Variants in CTNNA3 observed in about 807,000 individuals in gnomAD.
CTNNA3 encodes the protein catenin alpha 3.
CTNNA3 carries 76 observed loss-of-function variants against 95.7 expected under a neutral mutation model. That is an observed-to-expected ratio of 0.79 (90% CI 0.66 to 0.96). The LOEUF (loss-of-function observed/expected upper bound fraction) is 0.96. Ranked by LOEUF, CTNNA3 falls within the 40% of genes least tolerant of loss-of-function variation. The pLI, the probability that CTNNA3 is intolerant of heterozygous loss-of-function variation, is 0.00. For synonymous variants in CTNNA3, 431 were observed against 374.4 expected (o/e 1.15, Z -1.74); for missense variants, 1,191 against 1,089.8 (o/e 1.09, Z -1.31).
At chr10:67,655,782 C>CAAA (rs11291979) in intron 1 of CTNNA3, among the ~76,000 whole-genome samples, 17 of 95,268 alleles carry the variant, frequency 1.8e-4, no homozygotes, top group African/African-American at 5.3e-4. Flanking sequence ...GACTCCGTCT[C>CAAA]AAAAAAAAAA....
At chr10:67,182,081 G>C (rs1862579459) in intron 6 of CTNNA3, among the ~76,000 whole-genome samples, 1 of 152,074 alleles carries the variant, frequency 6.6e-6, no homozygotes, top group Non-Finnish European at 1.5e-5. Context: ...CTCATGGGTA[G>C]GAAGAATCAA....
At chr10:66,409,657 T>C (rs571029789) in intron 11 of CTNNA3, among the ~76,000 whole-genome samples, 21 of 152,306 alleles carry the variant, frequency 1.4e-4, no homozygotes, top group Admixed American at 1.2e-3. Context: ...AACTATACAA[T>C]AGGTCACATT....
intron 1 of CTNNA3, chr10:67,750,287 GC>G: frequency 2.0e-6 from 3 of 1,521,094 alleles, no homozygotes; most frequent in Non-Finnish European, 2.7e-6. Flanking sequence ...ACCAACCATG[GC>G]CATCTTTGTG....
intron 1 of CTNNA3, among the ~76,000 whole-genome samples, chr10:67,705,831 G>A (rs1026166844): frequency 1.4e-4 from 22 of 151,742 alleles, no homozygotes; most frequent in Middle Eastern, 6.8e-3. Flanking sequence ...TCTTCCTCTC[G>A]TATGCCCTCT....
chr10:65,949,231 G>C (rs903440246), intron 17 of CTNNA3, among the ~76,000 whole-genome samples: 2 of 152,154 alleles, frequency 1.3e-5, no homozygotes, highest in African/African-American at 2.4e-5. Flanking sequence ...GACACAAAGA[G>C]CTCTGAAAAT....
chr10:66,920,871 T>C (rs1846750711), intron 7 of CTNNA3, among the ~76,000 whole-genome samples: 1 of 152,218 alleles, frequency 6.6e-6, no homozygotes. Flanking sequence ...GTTGATTTTA[T>C]TGTAAATATA....
At chr10:67,330,863 G>A (rs1993989) in intron 5 of CTNNA3, among the ~76,000 whole-genome samples, 113,221 of 152,048 alleles carry the variant, frequency 0.74, 44,907 homozygotes, top group Non-Finnish European at 0.88. Flanking sequence ...AAGCAATTAC[G>A]GCAATTTGTT....
At chr10:66,330,630 C>T (rs894159553) in intron 12 of CTNNA3, among the ~76,000 whole-genome samples, 13 of 152,020 alleles carry the variant, frequency 8.6e-5, no homozygotes, top group African/African-American at 2.7e-4. Context: ...GTTCTAGATT[C>T]CTGAGGAATC....
intron 10 of CTNNA3, among the ~76,000 whole-genome samples, chr10:66,531,160 G>T (rs1286655446): frequency 6.6e-6 from 1 of 152,068 alleles, no homozygotes; most frequent in South Asian, 2.1e-4. Flanking sequence ...AATATAAAAT[G>T]CATTGCTTGT....
chr10:66,207,620 A>G (rs556377190), intron 13 of CTNNA3, among the ~76,000 whole-genome samples: 1 of 152,198 alleles, frequency 6.6e-6, no homozygotes, highest in African/African-American at 2.4e-5. Flanking sequence ...GCCAAATAAC[A>G]ATTCCAACAT....
At chr10:67,168,676 T>C (rs984193864) in intron 7 of CTNNA3, among the ~76,000 whole-genome samples, 2 of 152,204 alleles carry the variant, frequency 1.3e-5, no homozygotes, top group African/African-American at 2.4e-5. Context: ...GCCAACATTA[T>C]ACTGAAAGGG....
At chr10:66,809,007 T>C (rs1415568082) in intron 7 of CTNNA3, among the ~76,000 whole-genome samples, 2 of 152,232 alleles carry the variant, frequency 1.3e-5, no homozygotes, top group Non-Finnish European at 2.9e-5. Flanking sequence ...TTACAGCAGA[T>C]GGTTGTCAGC....
chr10:66,273,701 G>A (rs1378085391), intron 13 of CTNNA3, among the ~76,000 whole-genome samples: 4 of 152,146 alleles, frequency 2.6e-5, no homozygotes, highest in Admixed American at 6.6e-5. Flanking sequence ...TTGGAGAAGG[G>A]TGGGTTCTGG....
chr10:67,188,668 G>A (rs1589840478), intron 6 of CTNNA3, among the ~76,000 whole-genome samples: 1 of 152,204 alleles, frequency 6.6e-6, no homozygotes, highest in East Asian at 1.9e-4. Flanking sequence ...AATGAAATCA[G>A]TATATCAAAG....
Position 67,605,684 on chromosome 10 carries a change from A to AT in CTNNA3, c.292+1172dup, listed in dbSNP as rs563343263. On this transcript the variant is annotated intron_variant, in intron 3 of 17. Coordinates refer to ENST00000433211, the MANE Select transcript of CTNNA3 (RefSeq NM_013266.4). ...AAAATAAATTCACATAAATACAAAA[A>AT]TTTTTTTTTTTGAGACGAAGTCTCG... Among the ~76,000 whole-genome samples the AT allele has an allele frequency of 3.5e-3, 519 of 150,236 alleles. 4 individuals are homozygous for AT. The highest frequency in any genetic ancestry group is 0.012 in the African/African-American group (475 of 41,122).
intron 12 of CTNNA3, among the ~76,000 whole-genome samples, chr10:66,285,674 A>G (rs1196746315): frequency 6.6e-6 from 1 of 151,580 alleles, no homozygotes; most frequent in African/African-American, 2.4e-5. Context: ...TTTATTTTAA[A>G]TTGTTAATAA....
At chr10:66,289,734 C>T (rs541924135) in intron 12 of CTNNA3, among the ~76,000 whole-genome samples, 1 of 152,106 alleles carries the variant, frequency 6.6e-6, no homozygotes, top group East Asian at 1.9e-4. Context: ...TGTTGGTTTA[C>T]AGACACTATT....
chr10:67,591,015 T>C (rs76051580), intron 3 of CTNNA3, among the ~76,000 whole-genome samples: 2,598 of 152,260 alleles, frequency 0.017, 81 homozygotes, highest in African/African-American at 0.059. Context: ...TTAAAGAGTA[T>C]TTAAAATTGT....
At chr10:67,327,916 G>A (rs1841610859) in intron 5 of CTNNA3, among the ~76,000 whole-genome samples, 1 of 152,108 alleles carries the variant, frequency 6.6e-6, no homozygotes, top group South Asian at 2.1e-4. Flanking sequence ...GGGTGTATAG[G>A]TCTCTGTGCC....
Sources: gnomAD v4.1 joint callset for allele counts (sites outside exome capture counted in the v4.1 genomes callset) on GRCh38, gnomAD v4.1.1 for gene constraint, MANE v1.5 for transcripts, NCBI Gene and HGNC (gene_info 2026-07-23, HGNC 2026-07-21) for gene names.